Variants in BACE1 observed in about 807,000 individuals in gnomAD.
The protein encoded by BACE1 is beta-secretase 1.
BACE1 carries 21 observed loss-of-function variants against 54.0 expected under a neutral mutation model. The ratio of observed to expected loss-of-function variants is 0.39; its 90% CI spans 0.28 to 0.56. The LOEUF (loss-of-function observed/expected upper bound fraction) is 0.56. BACE1 is among the 20% of genes least tolerant of loss of function. The probability of loss-of-function intolerance (pLI) is 0.63; values close to 1 mark genes in which losing one functional copy is unlikely to be tolerated. For synonymous variants in BACE1, 232 were observed against 260.9 expected (o/e 0.89, Z 1.07); for missense variants, 511 against 661.2 (o/e 0.77, Z 2.49).
At chr11:117,304,942 G>A (rs116987336) in intron 1 of BACE1, among the ~76,000 whole-genome samples, 2,553 of 148,680 alleles carry the variant, frequency 0.017, 29 homozygotes, top group Non-Finnish European at 0.028. Context: ...TAATTCCTAT[G>A]ACCCTATGGA....
chr11:117,297,021 T>G (rs2034616595), intron 1 of BACE1, 60 bp from the exon 2 acceptor site: 2 of 1,258,566 alleles, frequency 1.6e-6, no homozygotes, highest in Non-Finnish European at 2.3e-6. Flanking sequence ...CACACCACCT[T>G]TATTATCCCT....
intron 1 of BACE1, among the ~76,000 whole-genome samples, chr11:117,299,255 C>CAGA (rs1263750077): frequency 1.3e-5 from 2 of 152,194 alleles, no homozygotes; most frequent in African/African-American, 4.8e-5. Flanking sequence ...TAAGTTGCAT[C>CAGA]TCGCCTCTTG....
intron 1 of BACE1, 62 bp from the exon 2 acceptor site, chr11:117,297,023 A>T: frequency 8.1e-7 from 1 of 1,230,204 alleles, no homozygotes; most frequent in Non-Finnish European, 1.2e-6. Context: ...CACCACCTTT[A>T]TTATCCCTCA....
At chr11:117,306,833 T>G (rs1387894317) in intron 1 of BACE1, among the ~76,000 whole-genome samples, 2 of 151,696 alleles carry the variant, frequency 1.3e-5, no homozygotes, top group Non-Finnish European at 2.9e-5. Context: ...GAAAAAAGGC[T>G]AAGTGATGAG....
rs541212063 is a variant in BACE1, at chr11:117,297,979, C to A, written c.262-1018G>T. Among the ~76,000 whole-genome samples the A allele has an allele frequency of 1.7e-4, 26 of 152,280 alleles. 2 individuals are homozygous for A. Among genetic ancestry groups the A allele is most frequent in the African/African-American group, 6.3e-4 (26 of 41,564 alleles). Reference sequence around the variant, plus strand: ...ATTCTGGGGTAAAATATCTTGGTTTCCTTTGGCACCCTCAACATGGCCTTA... The same window carrying A: ...ATTCTGGGGTAAAATATCTTGGTTTACTTTGGCACCCTCAACATGGCCTTA... On this transcript the variant is annotated intron_variant, in intron 1 of 8. Coordinates refer to ENST00000313005, the MANE Select transcript of BACE1 (RefSeq NM_012104.6).
rs2034330660 is a variant in BACE1, at chr11:117,288,748, T to A, written c.*818A>T. On this transcript the variant is annotated 3_prime_UTR_variant, in exon 9 of 9. Transcript: ENST00000313005. Reference sequence around the variant, plus strand: ...TAAGTGGAACTTCTTAGTGGGCACTTCATTTAAGAGAGCTAAAAAAGAGCT... The same window carrying A: ...TAAGTGGAACTTCTTAGTGGGCACTACATTTAAGAGAGCTAAAAAAGAGCT... The A allele has an allele frequency of 6.6e-6, 1 of 152,296 alleles. No individual in the cohort carries two copies. Among genetic ancestry groups the A allele is most frequent in the African/African-American group, 2.4e-5 (1 of 41,444 alleles). The allele number at this position is 152,296 out of a possible 1,614,324, so 9.4% of individuals were successfully genotyped here. A position where few individuals can be genotyped will look rare whatever the true frequency, so the allele number is the denominator to read the frequency against.
rs1195386874 is a variant in BACE1 at position 117,289,916 on chromosome 11, A to G, written c.1265-109T>C. The stretch of plus-strand genomic sequence containing the variant: ...AAATTAGCCCATGCAGAAGTTATCT[A>G]ATCTCCTTCCCAGGAGATATTTAGG... On this transcript the variant is annotated intron_variant, in intron 8 of 8. Transcript: ENST00000313005. 7.3e-6 allele frequency: 7 copies of G among 964,034 alleles called. No individual in the cohort carries two copies. The African/African-American group carries it at 9.8e-5, about 14-fold the overall frequency. 59.7% of individuals were successfully genotyped at this position (964,034 alleles called of 1,614,324 possible).
In BACE1 at chr11:117,290,575, C is replaced by T; in HGVS notation, c.1177G>A (p.Val393Ile). 6.2e-7 allele frequency: 1 copy of T among 1,614,262 alleles called. No individual in the cohort carries two copies. The highest frequency in any genetic ancestry group is 2.2e-5 in the East Asian group (1 of 44,886). Residue 393 changes from valine to isoleucine, a missense_variant, in exon 8 of 9, where the codon GTT (valine) becomes ATT (isoleucine). By Grantham distance (29) the Val-to-Ile change is conservative. This residue lies in a region of BACE1 where 407 missense variants were observed against 565.7 expected (regional missense o/e 0.72). Transcript: ENST00000313005. ...FAISQSSTGT[V>I]MGAVIMEGFY... ...CCCTCCATGATAACAGCTCCCATAACAGTGCCCGTGGATGACTGTGAGATG... is the reference window on the plus strand; with the variant it reads ...CCCTCCATGATAACAGCTCCCATAATAGTGCCCGTGGATGACTGTGAGATG...
intron 1 of BACE1, among the ~76,000 whole-genome samples, chr11:117,314,998 T>G (rs1327789756): frequency 6.6e-6 from 1 of 151,860 alleles, no homozygotes; most frequent in East Asian, 1.9e-4. Context: ...CGGAGTGCAG[T>G]CAGGGGGGCC....
chr11:117,297,067 A>G lies in BACE1; in HGVS notation c.262-106T>C. 1.3e-5 allele frequency: 11 copies of G among 839,302 alleles called. No homozygotes were observed. In the South Asian group the frequency reaches 1.6e-4, roughly 12 times the overall value. 52.0% of individuals were successfully genotyped at this position (839,302 alleles called of 1,614,324 possible). A position where few individuals can be genotyped will look rare whatever the true frequency, so the allele number is the denominator to read the frequency against. ...CCACAGTCTGCCCCTTAGAATGTCC[A>G]GAGTGAAGCTCCACGATGCAGGACT... On this transcript the variant is annotated intron_variant, in intron 1 of 8. Transcript: ENST00000313005.
rs2034920383 is a variant in BACE1, at chr11:117,310,420, T to C, written c.261+5115A>G. ...TAAATAAATAAAATTAAAAAGACATTGTCCTTAAGAGCTTGAAGTTTTGTT... is the reference window on the plus strand; with the variant it reads ...TAAATAAATAAAATTAAAAAGACATCGTCCTTAAGAGCTTGAAGTTTTGTT... On this transcript the variant is annotated intron_variant, in intron 1 of 8. Coordinates refer to ENST00000313005, the MANE Select transcript of BACE1 (RefSeq NM_012104.6). 2.0e-5 allele frequency among the ~76,000 whole-genome samples: 3 copies of C among 152,156 alleles called. No homozygotes were observed. In the South Asian group the frequency reaches 6.2e-4, roughly 32 times the overall value.
intron 1 of BACE1, among the ~76,000 whole-genome samples, chr11:117,313,159 GGA>G: frequency 6.6e-6 from 1 of 152,310 alleles, no homozygotes; most frequent in South Asian, 2.1e-4. Flanking sequence ...AGACAGATGG[GGA>G]GAGAGTCCAA....
At chr11:117,308,921 C>T (rs1056842239) in intron 1 of BACE1, among the ~76,000 whole-genome samples, 3 of 152,082 alleles carry the variant, frequency 2.0e-5, no homozygotes, top group Admixed American at 1.3e-4. Flanking sequence ...CACTGCACTC[C>T]AGCCTGGGTG....
At position 117,294,020 on chromosome 11, in the gene BACE1, A is replaced by G; in HGVS notation, c.568-12T>C. ...AGGGAGTCGTCAGGCTTTGGCAGAA[A>G]GAGACAAGGAGTGAGTCCTCATACG... is the stretch of plus-strand genomic sequence containing the variant. On this transcript the variant is annotated splice_polypyrimidine_tract_variant and intron_variant, in intron 3 of 8. Coordinates refer to ENST00000313005, the MANE Select transcript of BACE1 (RefSeq NM_012104.6). 1 of 1,612,256 alleles carries G rather than the reference A, an allele frequency of 6.2e-7. No individual in the cohort carries two copies. The highest frequency in any genetic ancestry group is 8.5e-7 in the Non-Finnish European group (1 of 1,179,054).
intron 1 of BACE1, among the ~76,000 whole-genome samples, chr11:117,299,268 G>A (rs746278446): frequency 3.9e-5 from 6 of 152,124 alleles, no homozygotes; most frequent in East Asian, 1.9e-4. Flanking sequence ...GCCTCTTGCC[G>A]ACTTTCCATC....
At chr11:117,303,479 A>G (rs762960544) in intron 1 of BACE1, among the ~76,000 whole-genome samples, 4 of 152,248 alleles carry the variant, frequency 2.6e-5, no homozygotes, top group Non-Finnish European at 5.9e-5. Context: ...TGAGGCAGGT[A>G]TGGAGCTGGC....
intron 1 of BACE1, among the ~76,000 whole-genome samples, chr11:117,311,251 G>A (rs188947730): frequency 1.3e-5 from 2 of 152,238 alleles, no homozygotes; most frequent in African/African-American, 4.8e-5. Flanking sequence ...CCTGAGGCAG[G>A]AGGATCACTT....
At position 117,316,053 on chromosome 11, in the gene BACE1, T is replaced by C; in HGVS notation, c.-258A>G. Reference sequence around the variant, plus strand: ...TACATCGGCACGGCGGCGGCCAGCCTGGGCAGCGGGCGCGGGCTCCCGGCG... The same window carrying C: ...TACATCGGCACGGCGGCGGCCAGCCCGGGCAGCGGGCGCGGGCTCCCGGCG... On this transcript the variant is annotated 5_prime_UTR_variant, in exon 1 of 9. Coordinates refer to ENST00000313005, the MANE Select transcript of BACE1 (RefSeq NM_012104.6). The C allele has an allele frequency of 2.6e-6, 1 of 377,478 alleles. No individual in the cohort carries two copies. The highest frequency in any genetic ancestry group is 4.6e-6 in the Non-Finnish European group (1 of 216,044). The allele number at this position is 377,478 out of a possible 1,614,324, so 23.4% of individuals were successfully genotyped here. A position where few individuals can be genotyped will look rare whatever the true frequency, so the allele number is the denominator to read the frequency against.
intron 1 of BACE1, among the ~76,000 whole-genome samples, chr11:117,313,005 C>G (rs1192742612): frequency 6.6e-6 from 1 of 152,182 alleles, no homozygotes; most frequent in Non-Finnish European, 1.5e-5. Context: ...GGATCAGCCC[C>G]CAGGCACCAC....
Sources: allele counts gnomAD v4.1 joint callset (sites outside exome capture counted in the v4.1 genomes callset), GRCh38; gene constraint gnomAD v4.1.1; regional missense constraint gnomAD v4.1.1; transcripts MANE v1.5; gene names NCBI Gene and HGNC (gene_info 2026-07-23, HGNC 2026-07-21).